The following GRM5 variants were observed in gnomAD, a reference collection of about 807,000 sequenced individuals.
The protein encoded by GRM5 is glutamate metabotropic receptor 5.
GRM5 carries 19 observed loss-of-function variants against 83.1 expected under a neutral mutation model. That is an observed-to-expected ratio of 0.23 (90% CI 0.16 to 0.34). The LOEUF is 0.34. Among genes scored for constraint, GRM5 ranks in the 10% least tolerant of loss-of-function variants. The pLI is 1.00. For synonymous variants in GRM5, 675 were observed against 633.6 expected, an observed-to-expected ratio of 1.07 and a Z score of -0.98; for missense variants, 1,160 against 1,588.3, an observed-to-expected ratio of 0.73 and a Z score of 4.58.
chr11:88,753,987 A>G (rs958736524), intron 3 of GRM5, among the ~76,000 whole-genome samples: 1 of 152,130 alleles, frequency 6.6e-6, no homozygotes, highest in African/African-American at 2.4e-5. Flanking sequence ...CCATGATTCA[A>G]TTATCTCCTG....
At chr11:88,640,783 G>A (rs920936253) in intron 4 of GRM5, among the ~76,000 whole-genome samples, 2 of 134,418 alleles carry the variant, frequency 1.5e-5, no homozygotes, top group Non-Finnish European at 3.3e-5. Context: ...GTGAGGTATA[G>A]GGGGAGGGGT....
intron 2 of GRM5, among the ~76,000 whole-genome samples, chr11:88,928,464 GTATATATA>G (rs61573444): frequency 4.6e-4 from 53 of 115,662 alleles, no homozygotes; most frequent in Middle Eastern, 4.1e-3. Context: ...GTGTGTGTGT[GTATATATA>G]TATATATATA....
At chr11:89,059,861 T>C (rs1941951872) in intron 1 of GRM5, among the ~76,000 whole-genome samples, 1 of 152,154 alleles carries the variant, frequency 6.6e-6, no homozygotes, top group South Asian at 2.1e-4. Flanking sequence ...CATGGTGGTT[T>C]TCCTTCTGCA....
intron 3 of GRM5, among the ~76,000 whole-genome samples, chr11:88,787,537 C>A (rs1171308485): frequency 6.6e-6 from 1 of 151,942 alleles, no homozygotes; most frequent in Non-Finnish European, 1.5e-5. Context: ...AAAGAGTCTT[C>A]TCTTTTAAAG....
chr11:88,666,002 A>G (rs1453350935), intron 3 of GRM5, among the ~76,000 whole-genome samples: 1 of 152,178 alleles, frequency 6.6e-6, no homozygotes, highest in Non-Finnish European at 1.5e-5. Context: ...CTAGTATTAC[A>G]TTTAAAATCT....
chr11:88,881,133 G>A (rs1234592209), intron 2 of GRM5, among the ~76,000 whole-genome samples: 1 of 151,628 alleles, frequency 6.6e-6, no homozygotes, highest in Non-Finnish European at 1.5e-5. Flanking sequence ...ATTTTTCAGT[G>A]TAAGCTTCAA....
chr11:88,953,233 A>G lies in GRM5; in HGVS notation c.661+93979T>C, dbSNP rs149809322. On this transcript the variant is annotated intron_variant, in intron 2 of 9. Coordinates refer to ENST00000305447, the MANE Select transcript of GRM5 (RefSeq NM_001143831.3). ...AGAAAGGATCAAGACACAATTATCA[A>G]CATTCCACTTTTTAAAAATTCATGC... Among the ~76,000 whole-genome samples the G allele has an allele frequency of 4.1e-3, 631 of 152,350 alleles. 2 individuals are homozygous for G. The highest frequency in any genetic ancestry group is 0.012 in the South Asian group (59 of 4,828).
At chr11:88,650,855 G>C (rs1939612986) in intron 4 of GRM5, among the ~76,000 whole-genome samples, 1 of 151,958 alleles carries the variant, frequency 6.6e-6, no homozygotes, top group Non-Finnish European at 1.5e-5. Flanking sequence ...ATAGTTATAT[G>C]ACTGGAGGAA....
At position 89,047,654 on chromosome 11, in the gene GRM5, C is replaced by T. The variant is rs1192921706; in HGVS notation, c.219G>A (p.Leu73=). The change falls in exon 2 of 10, where the codon CTG becomes CTA. Residue 73 remains leucine, a synonymous_variant. Transcript: ENST00000305447. The surrounding 1 kb of genome is among the most constrained non-coding windows in gnomAD (Gnocchi z 5.1). ...QYGIQRVEAM[L]HTLERINSDP... Reference sequence around the variant, plus strand: ...CTGAATTGATCCTTTCCAGGGTATGCAGCATGGCCTCCACTCTCTGAATGC... The same window carrying T: ...CTGAATTGATCCTTTCCAGGGTATGTAGCATGGCCTCCACTCTCTGAATGC... 5 of 1,613,892 alleles carry T rather than the reference C, an allele frequency of 3.1e-6. No homozygotes were observed. Among genetic ancestry groups the T allele is most frequent in the East Asian group, 4.5e-5 (2 of 44,878 alleles).
At chr11:89,003,195 C>T (rs1221112227) in intron 2 of GRM5, among the ~76,000 whole-genome samples, 1 of 152,154 alleles carries the variant, frequency 6.6e-6, no homozygotes, top group Non-Finnish European at 1.5e-5. Flanking sequence ...TGCTACACAA[C>T]CCTTGCTCTC....
At chr11:88,776,440 T>C (rs1249576822) in intron 3 of GRM5, among the ~76,000 whole-genome samples, 2 of 152,196 alleles carry the variant, frequency 1.3e-5, no homozygotes, top group Admixed American at 6.5e-5. Flanking sequence ...CATTTACATT[T>C]AAGGTTAATA....
intron 3 of GRM5, among the ~76,000 whole-genome samples, chr11:88,700,225 T>G (rs561075228): frequency 4.4e-4 from 67 of 152,236 alleles, no homozygotes; most frequent in African/African-American, 1.6e-3. Flanking sequence ...GGCCAGGGTA[T>G]GAAGATCTTT....
chr11:88,577,897 T>C (rs1232296580), intron 7 of GRM5, among the ~76,000 whole-genome samples: 1 of 152,014 alleles, frequency 6.6e-6, no homozygotes, highest in Non-Finnish European at 1.5e-5. Context: ...GGAGGGAAGG[T>C]GATAATACCT....
At chr11:88,611,750 G>A (rs66567726) in intron 4 of GRM5, among the ~76,000 whole-genome samples, 33,128 of 151,764 alleles carry the variant, frequency 0.22, 3,631 homozygotes, top group Middle Eastern at 0.26. Context: ...CTTATCTTCT[G>A]CTAGCTTTGA....
intron 5 of GRM5, among the ~76,000 whole-genome samples, chr11:88,600,297 C>T (rs1204263084): frequency 6.8e-6 from 1 of 146,132 alleles, no homozygotes; most frequent in Non-Finnish European, 1.5e-5. Context: ...TCCCCCACCC[C>T]TTCCCCCTCT....
At chr11:88,642,345 G>A (rs760496017) in intron 4 of GRM5, among the ~76,000 whole-genome samples, 1 of 152,094 alleles carries the variant, frequency 6.6e-6, no homozygotes, top group Non-Finnish European at 1.5e-5. Flanking sequence ...TAGACCTCTG[G>A]ACCTGTGATG....
At chr11:88,979,144 G>C (rs1398997325) in intron 2 of GRM5, among the ~76,000 whole-genome samples, 1 of 152,152 alleles carries the variant, frequency 6.6e-6, no homozygotes, top group African/African-American at 2.4e-5. Flanking sequence ...TAATGGGAAA[G>C]TCACAGGCAG....
At chr11:88,708,445 A>C (rs1222093586) in intron 3 of GRM5, among the ~76,000 whole-genome samples, 1 of 152,128 alleles carries the variant, frequency 6.6e-6, no homozygotes, top group African/African-American at 2.4e-5. Context: ...GAAGCAAAGC[A>C]ACATAATATA....
intron 3 of GRM5, among the ~76,000 whole-genome samples, chr11:88,835,883 A>G (rs55709298): frequency 0.014 from 2,112 of 152,322 alleles, 24 homozygotes; most frequent in Non-Finnish European, 0.023. Flanking sequence ...TGCTTTGAAC[A>G]TTATGTTCCA....
Sources: gnomAD v4.1 joint callset for allele counts (sites outside exome capture counted in the v4.1 genomes callset) on GRCh38, gnomAD v4.1.1 for gene constraint, Gnocchi (gnomAD v3.1) non-coding constraint, MANE v1.5 for transcripts, NCBI Gene and HGNC (gene_info 2026-07-23, HGNC 2026-07-21) for gene names.